The following FUT8 variants were observed in gnomAD, a reference collection of about 807,000 sequenced individuals.
FUT8 encodes the protein fucosyltransferase 8.
A neutral mutation model predicts 71.3 loss-of-function variants in FUT8; 29 were observed. The ratio of observed to expected loss-of-function variants is 0.41; its 90% CI spans 0.30 to 0.55. The LOEUF (loss-of-function observed/expected upper bound fraction) is 0.55. Among genes scored for constraint, FUT8 ranks in the 20% least tolerant of loss-of-function variants. The pLI is 0.34. For synonymous variants in FUT8, 254 were observed against 239.3 expected (o/e 1.06, Z -0.57); for missense variants, 544 against 702.1 (o/e 0.77, Z 2.55).
chr14:65,557,726 T>C (rs1290221439), intron 2 of FUT8, among the ~76,000 whole-genome samples: 1 of 152,122 alleles, frequency 6.6e-6, no homozygotes, highest in Non-Finnish European at 1.5e-5. Context: ...GTATATTTAG[T>C]ATTTTGCAGA....
At chr14:65,417,528 C>T (rs1025398717) in intron 1 of FUT8, among the ~76,000 whole-genome samples, 3 of 152,000 alleles carry the variant, frequency 2.0e-5, no homozygotes, top group African/African-American at 7.2e-5. Flanking sequence ...GGAATTATGC[C>T]GTATTTGTCA....
chr14:65,638,340 C>T lies in FUT8; in HGVS notation c.597+8734C>T, dbSNP rs1269882440. 6.6e-6 allele frequency among the ~76,000 whole-genome samples: 1 copy of T among 152,144 alleles called. No individual in the cohort carries two copies. Among genetic ancestry groups the T allele is most frequent in the Non-Finnish European group, 1.5e-5 (1 of 68,032 alleles). On this transcript the variant is annotated intron_variant, in intron 6 of 10. Coordinates refer to ENST00000673929, the MANE Select transcript of FUT8 (RefSeq NM_001371533.1). The surrounding 1 kb of genome is among the most constrained non-coding windows in gnomAD (Gnocchi z 4.5). ...CAATCACAGGCGTGAGCCACTGTGT[C>T]CGGCCAGAAAGATTTTTTGGTTTGC...
intron 3 of FUT8, among the ~76,000 whole-genome samples, chr14:65,594,284 C>G (rs896324117): frequency 9.2e-5 from 14 of 152,298 alleles, no homozygotes; most frequent in African/African-American, 3.4e-4. Context: ...TTACTTTGGT[C>G]TGCCTGGCTC....
intron 6 of FUT8, among the ~76,000 whole-genome samples, chr14:65,647,636 T>C (rs991159363): frequency 2.0e-5 from 3 of 152,228 alleles, no homozygotes; most frequent in African/African-American, 7.2e-5. Context: ...ATGGGACATC[T>C]TCTTTCCAGC....
the FUT8 span, among the ~76,000 whole-genome samples, chr14:65,359,171 T>G: frequency 6.6e-6 from 1 of 152,190 alleles, no homozygotes; most frequent in Non-Finnish European, 1.5e-5. Flanking sequence ...ACTGTTTTCT[T>G]GTGATGGTGT....
In FUT8 at chr14:65,412,767, C is replaced by G. The variant is rs887488082; in HGVS notation, c.-773C>G. On this transcript the variant is annotated 5_prime_UTR_variant, in exon 1 of 11. Transcript: ENST00000673929. ...ACGCCGGCGCTGGCCGAGGCTTCCC[C>G]GCCTGCGCTCGTTGTCAGAGCCGCT... 3.0e-5 allele frequency: 5 copies of G among 168,754 alleles called. No homozygotes were observed. The highest frequency in any genetic ancestry group is 9.6e-5 in the African/African-American group (4 of 41,510). 10.5% of individuals were successfully genotyped at this position (168,754 alleles called of 1,614,324 possible). A position where few individuals can be genotyped will look rare whatever the true frequency, so the allele number is the denominator to read the frequency against.
intron 2 of FUT8, among the ~76,000 whole-genome samples, chr14:65,475,384 A>G (rs1244626547): frequency 6.6e-6 from 1 of 152,160 alleles, no homozygotes; most frequent in Non-Finnish European, 1.5e-5. Context: ...AAAATTTATT[A>G]TTATAAAATA....
At chr14:65,628,188 A>T (rs1205673143) in intron 5 of FUT8, among the ~76,000 whole-genome samples, 2 of 152,192 alleles carry the variant, frequency 1.3e-5, no homozygotes, top group Non-Finnish European at 2.9e-5. Context: ...TATACCTGGC[A>T]GTGTCAGGGG....
chr14:65,648,541 C>T (rs759511648), intron 6 of FUT8, among the ~76,000 whole-genome samples: 2 of 152,152 alleles, frequency 1.3e-5, no homozygotes, highest in Non-Finnish European at 2.9e-5. Flanking sequence ...TACAGACTGA[C>T]CACCATTTGT....
intron 3 of FUT8, among the ~76,000 whole-genome samples, chr14:65,577,986 C>T (rs958807102): frequency 6.6e-6 from 1 of 151,988 alleles, no homozygotes; most frequent in Non-Finnish European, 1.5e-5. Flanking sequence ...ACTACCCAGA[C>T]CTCTAGGGAA....
chr14:65,671,773 G>C (rs1892489944), intron 7 of FUT8, among the ~76,000 whole-genome samples: 1 of 152,024 alleles, frequency 6.6e-6, no homozygotes, highest in African/African-American at 2.4e-5. Context: ...CAATTTATCT[G>C]CTTATTTACA....
chr14:65,591,268 G>T (rs1887670650), intron 3 of FUT8, among the ~76,000 whole-genome samples: 1 of 152,002 alleles, frequency 6.6e-6, no homozygotes, highest in African/African-American at 2.4e-5. Context: ...GGTTTCTCTT[G>T]GCCTATCACT....
intron 2 of FUT8, among the ~76,000 whole-genome samples, chr14:65,514,438 T>C (rs575342327): frequency 6.6e-6 from 1 of 152,364 alleles, no homozygotes; most frequent in African/African-American, 2.4e-5. Flanking sequence ...GAAAACTTCA[T>C]GGCAGTTAAC....
At chr14:65,505,284 C>G (rs532590522) in intron 2 of FUT8, among the ~76,000 whole-genome samples, 12 of 145,664 alleles carry the variant, frequency 8.2e-5, no homozygotes, top group Non-Finnish European at 1.8e-4. Context: ...TAGCTAGAAA[C>G]TATGTCAAGT....
chr14:65,521,171 T>C (rs1474881818), intron 2 of FUT8, among the ~76,000 whole-genome samples: 1 of 152,102 alleles, frequency 6.6e-6, no homozygotes, highest in Non-Finnish European at 1.5e-5. Context: ...ATGAATCTTA[T>C]ATAGTGATAT....
At chr14:65,617,075 C>CT (rs1398631235) in intron 5 of FUT8, 1 of 1,584,054 alleles carries the variant, frequency 6.3e-7, no homozygotes, top group Non-Finnish European at 8.5e-7. Context: ...ATTTAAAAGT[C>CT]TATGTTTCCA....
intron 3 of FUT8, among the ~76,000 whole-genome samples, chr14:65,609,290 G>C (rs1888752227): frequency 6.9e-6 from 1 of 145,652 alleles, no homozygotes. Flanking sequence ...GTGAGACTCT[G>C]TCTCAAAAAA....
intron 3 of FUT8, among the ~76,000 whole-genome samples, chr14:65,611,267 A>G (rs796409059): frequency 1.3e-5 from 1 of 76,238 alleles, no homozygotes; most frequent in African/African-American, 8.5e-5. Flanking sequence ...ACACACACAC[A>G]CACACACACA....
chr14:65,696,247 A>C (rs1418641125), intron 7 of FUT8, among the ~76,000 whole-genome samples: 1 of 152,202 alleles, frequency 6.6e-6, no homozygotes, highest in Non-Finnish European at 1.5e-5. Flanking sequence ...TGAAGCTAGC[A>C]ACAAATTTCC....
Sources: allele counts gnomAD v4.1 joint callset (sites outside exome capture counted in the v4.1 genomes callset), GRCh38; gene constraint gnomAD v4.1.1; non-coding constraint Gnocchi (gnomAD v3.1); transcripts MANE v1.5; gene names NCBI Gene and HGNC (gene_info 2026-07-23, HGNC 2026-07-21).